The following CPEB2 variants were observed in gnomAD, a reference collection of about 807,000 sequenced individuals.
CPEB2 encodes the protein cytoplasmic polyadenylation element binding protein 2, also known as cytoplasmic polyadenylation element-binding protein 2.
Under a neutral mutation model 93.6 loss-of-function variants are expected in CPEB2, and 56 were observed. The ratio of observed to expected loss-of-function variants is 0.60; its 90% CI spans 0.48 to 0.75. CPEB2 has a LOEUF of 0.75. Ranked by LOEUF, CPEB2 falls within the 30% of genes least tolerant of loss-of-function variation. The probability of loss-of-function intolerance (pLI) is 0.00; values close to 1 mark genes in which losing one functional copy is unlikely to be tolerated. For missense variants in CPEB2, 1,579 were observed against 1,395.1 expected, an observed-to-expected ratio of 1.13 and a Z score of -2.10; for synonymous variants, 764 against 586.3, an observed-to-expected ratio of 1.30 and a Z score of -4.38.
intron 10 of CPEB2, 52 bp from the exon 11 acceptor site, chr4:15,062,027 G>A (rs1729235592): frequency 3.4e-6 from 5 of 1,455,802 alleles, no homozygotes; most frequent in Admixed American, 2.1e-5. Context: ...CTTAAAAATT[G>A]TTGATTACTG....
At chr4:15,061,972 G>A in intron 10 of CPEB2, 107 bp from the exon 11 acceptor site, 1 of 1,048,556 alleles carries the variant, frequency 9.5e-7, no homozygotes, top group Non-Finnish European at 1.4e-6. Flanking sequence ...TCTACTCCTG[G>A]TCAAATGATA....
intron 6 of CPEB2, among the ~76,000 whole-genome samples, chr4:15,042,596 A>T (rs1727295030): frequency 6.6e-6 from 1 of 152,220 alleles, no homozygotes; most frequent in Non-Finnish European, 1.5e-5. Flanking sequence ...TGGCCTTAGT[A>T]AATTATGAAC....
In CPEB2 at chr4:15,047,049, T is replaced by C. The variant is rs142438406; in HGVS notation, c.2201-5365T>C. 8.5e-5 allele frequency among the ~76,000 whole-genome samples: 13 copies of C among 152,326 alleles called. 1 individual carries two copies. In the East Asian group the frequency reaches 2.5e-3, roughly 29 times the overall value. On this transcript the variant is annotated intron_variant, in intron 6 of 11. Coordinates refer to ENST00000538197, the MANE Select transcript of CPEB2 (RefSeq NM_001177382.2). ...TATTGAAAAGATTTACTTTTCCACA[T>C]TGAACTGTATTGGTACCTTTGAAAA...
chr4:15,062,695 A>G (rs1255003281), intron 11 of CPEB2, among the ~76,000 whole-genome samples: 1 of 152,146 alleles, frequency 6.6e-6, no homozygotes, highest in Non-Finnish European at 1.5e-5. Flanking sequence ...ATTTACATAT[A>G]TATAAGCACT....
chr4:15,043,004 T>C (rs557936306), intron 6 of CPEB2, among the ~76,000 whole-genome samples: 1 of 152,324 alleles, frequency 6.6e-6, no homozygotes, highest in South Asian at 2.1e-4. Flanking sequence ...TAATTTTTGC[T>C]AAAAATAAGT....
At chr4:15,050,558 GTGACTCC>G (rs1177807506) in intron 6 of CPEB2, among the ~76,000 whole-genome samples, 1 of 152,100 alleles carries the variant, frequency 6.6e-6, no homozygotes, top group Non-Finnish European at 1.5e-5. Flanking sequence ...TACATGCAAT[GTGACTCC>G]TACCCAACTT....
intron 11 of CPEB2, among the ~76,000 whole-genome samples, chr4:15,065,488 A>G (rs1442886894): frequency 3.3e-5 from 5 of 152,130 alleles, no homozygotes; most frequent in African/African-American, 1.2e-4. Flanking sequence ...GCACTGTCTT[A>G]TGCTTTTACA....
Position 15,004,220 on chromosome 4 carries a change from C to T in CPEB2, c.1547C>T (p.Ala516Val). The T allele has an allele frequency of 4.0e-6, 6 of 1,492,488 alleles. No homozygotes were observed. The highest frequency in any genetic ancestry group is 4.4e-6 in the Non-Finnish European group (5 of 1,127,854). 92.5% of individuals were successfully genotyped at this position (1,492,488 alleles called of 1,614,324 possible). ...CCTCAACAGCAGCCCCCGCCGCCCG[C>T]GGCGCCGCAGCAGCCGCAGAGCCGG... Reference protein sequence around the residue: ...NIPQQQPPPPAAPQQPQSRRS... With the variant: ...NIPQQQPPPPVAPQQPQSRRS... The change falls in exon 1 of 12, where the codon GCG becomes GTG. Residue 516 changes from alanine to valine, a missense_variant. This residue lies in a region of CPEB2 where 1,411 missense variants were observed against 1,056.0 expected (regional missense o/e 1.34). Coordinates refer to ENST00000538197, the MANE Select transcript of CPEB2 (RefSeq NM_001177382.2).
Position 15,002,690 on chromosome 4 carries a change from T to G in CPEB2, c.17T>G (p.Phe6Cys). ...GCCTGATAAATGAGGGATTTCGGGT[T>G]TGGGGTGCTGCAGACCGCCCCGCTC... The part of the protein sequence containing the change: MRDFG[F>C]GVLQTAPLRS... The change falls in exon 1 of 12, where the codon TTT (phenylalanine) becomes TGT (cysteine). Residue 6 changes from phenylalanine to cysteine, a missense_variant. Coordinates refer to ENST00000538197, the MANE Select transcript of CPEB2 (RefSeq NM_001177382.2). The G allele has an allele frequency of 6.6e-7, 1 of 1,514,844 alleles. No homozygotes were observed. The highest frequency in any genetic ancestry group is 1.4e-5 in the African/African-American group (1 of 71,668). 93.8% of individuals were successfully genotyped at this position (1,514,844 alleles called of 1,614,324 possible).
At chr4:15,011,246 A>G (rs79121288) in intron 3 of CPEB2, among the ~76,000 whole-genome samples, 14,956 of 151,400 alleles carry the variant, frequency 0.099, 1,530 homozygotes, top group African/African-American at 0.25. Flanking sequence ...GATTACATGC[A>G]TGCACCACCA....
At chr4:15,044,441 A>G (rs975817925) in intron 6 of CPEB2, among the ~76,000 whole-genome samples, 8 of 152,334 alleles carry the variant, frequency 5.3e-5, no homozygotes, top group African/African-American at 1.9e-4. Context: ...ATGAATTTTT[A>G]TAGAAAACAA....
chr4:15,013,196 A>C (rs1723708926), intron 3 of CPEB2, among the ~76,000 whole-genome samples: 1 of 152,026 alleles, frequency 6.6e-6, no homozygotes, highest in African/African-American at 2.4e-5. Context: ...AATAAATATT[A>C]TAATAAAAGA....
rs946381888 is a variant in CPEB2, at chr4:15,003,116, C to T, written c.443C>T (p.Ser148Phe). 1.5e-5 allele frequency: 23 copies of T among 1,533,118 alleles called. No individual in the cohort carries two copies. Among genetic ancestry groups the T allele is most frequent in the Non-Finnish European group, 2.0e-5 (23 of 1,145,788 alleles). 95.0% of individuals were successfully genotyped at this position (1,533,118 alleles called of 1,614,324 possible). Residue 148 changes from serine (S) to phenylalanine (F), a missense_variant, in exon 1 of 12, where the codon TCC (serine) becomes TTC (phenylalanine). This residue lies in a region of CPEB2 where 1,411 missense variants were observed against 1,056.0 expected (regional missense o/e 1.34). Coordinates refer to ENST00000538197, the MANE Select transcript of CPEB2 (RefSeq NM_001177382.2). ...QDFKPSLHHP[S>F]SSSASSCCCC... The stretch of plus-strand genomic sequence containing the variant: ...TTCAAACCGAGTCTGCACCACCCCT[C>T]CTCCTCCTCCGCCTCCTCCTGCTGC...
In CPEB2 at chr4:15,017,258, C is replaced by A; in HGVS notation, c.2105C>A (p.Ala702Glu). 6.3e-7 allele frequency: 1 copy of A among 1,592,162 alleles called. No homozygotes were observed. Among genetic ancestry groups the A allele is most frequent in the Non-Finnish European group, 8.6e-7 (1 of 1,162,838 alleles). ...AATTCCCTTATCGATATTATGAGAGCAGAGCATGATCCTCTTAAGGGTAGG... is the reference window on the plus strand; with the variant it reads ...AATTCCCTTATCGATATTATGAGAGAAGAGCATGATCCTCTTAAGGGTAGG... ...LENSLIDIMR[A>E]EHDPLKGRLS... Residue 702 changes from alanine to glutamate, a missense_variant, in exon 4 of 12, where the codon GCA becomes GAA. Physicochemically the swap from Ala to Glu is moderately radical, Grantham distance 107. Around this residue, in one of 2 missense-constraint regions of CPEB2, gnomAD observed 1,411 missense variants for 1,056.0 expected, o/e 1.34. Transcript: ENST00000538197.
chr4:15,054,746 G>T (rs77601302), intron 8 of CPEB2, among the ~76,000 whole-genome samples: 1 of 152,018 alleles, frequency 6.6e-6, no homozygotes, highest in East Asian at 1.9e-4. Context: ...CATGCAAGTC[G>T]CATGATCAAG....
intron 7 of CPEB2, among the ~76,000 whole-genome samples, chr4:15,053,023 A>T (rs1963494): frequency 0.088 from 12,439 of 142,010 alleles, 1,395 homozygotes; most frequent in East Asian, 0.57. Flanking sequence ...TTATTTATTT[A>T]TTTTTTTTTT....
chr4:15,051,387 G>A (rs1728205643), intron 6 of CPEB2, among the ~76,000 whole-genome samples: 1 of 151,990 alleles, frequency 6.6e-6, no homozygotes, highest in Non-Finnish European at 1.5e-5. Context: ...AGCCAACCTT[G>A]ACTATTCCTT....
At chr4:15,019,094 C>G (rs1425037793) in intron 4 of CPEB2, among the ~76,000 whole-genome samples, 1 of 150,846 alleles carries the variant, frequency 6.6e-6, no homozygotes, top group Non-Finnish European at 1.5e-5. Flanking sequence ...CACTAACCAC[C>G]TTTAGGAATC....
chr4:15,056,342 G>A (rs1258796574), intron 8 of CPEB2, among the ~76,000 whole-genome samples: 1 of 152,136 alleles, frequency 6.6e-6, no homozygotes, highest in African/African-American at 2.4e-5. Context: ...TGTTTGGATG[G>A]AGAAAGATGC....
Sources: allele counts gnomAD v4.1 joint callset (sites outside exome capture counted in the v4.1 genomes callset), GRCh38; gene constraint gnomAD v4.1.1; regional missense constraint gnomAD v4.1.1; transcripts MANE v1.5; gene names NCBI Gene and HGNC (gene_info 2026-07-23, HGNC 2026-07-21).